NEK2: variants seen among roughly 807,000 people sequenced by gnomAD.
NEK2 encodes the protein serine/threonine-protein kinase Nek2.
Under a neutral mutation model 54.1 loss-of-function variants are expected in NEK2, and 28 were observed. The observed-to-expected ratio is 0.52, with a 90% CI of 0.38 to 0.71. NEK2 has a LOEUF of 0.71. NEK2 is among the 30% of genes least tolerant of loss of function. NEK2 has a pLI of 0.00. For missense variants in NEK2, 407 were observed against 531.5 expected, an observed-to-expected ratio of 0.77 and a Z score of 2.30; for synonymous variants, 176 against 193.1, an observed-to-expected ratio of 0.91 and a Z score of 0.73.
chr1:211,661,104 TC>T, downstream of NEK2: 1 of 746,436 alleles, frequency 1.3e-6, no homozygotes. Context: ...GGCATTGTAC[TC>T]CAGGACCTCC....
chr1:211,671,194 A>T lies in NEK2; in HGVS notation c.638+8T>A, dbSNP rs1254345500. ...CTTAGACTAGGAATCTGTCTTCATC[A>T]TACTTACATTAATGCACATAACTCA... is the stretch of plus-strand genomic sequence containing the variant. On this transcript the variant is annotated splice_region_variant and intron_variant, in intron 4 of 7. Transcript: ENST00000366999. 2 of 1,603,196 alleles carry T rather than the reference A, an allele frequency of 1.2e-6. No individual in the cohort carries two copies. The highest frequency in any genetic ancestry group is 1.3e-5 in the African/African-American group (1 of 74,708).
chr1:211,663,663 A>G lies in NEK2; in HGVS notation c.1112-11T>C. ...GAAGATTAAGAAGTTCTTTAGAAGGAAAAAGAAAAAGGGCTCTGAGTTACT... is the reference window on the plus strand; with the variant it reads ...GAAGATTAAGAAGTTCTTTAGAAGGGAAAAGAAAAAGGGCTCTGAGTTACT... On this transcript the variant is annotated splice_polypyrimidine_tract_variant and intron_variant, in intron 7 of 7. Coordinates refer to ENST00000366999, the MANE Select transcript of NEK2 (RefSeq NM_002497.4). 1.2e-6 allele frequency: 2 copies of G among 1,611,248 alleles called. No individual in the cohort carries two copies. The highest frequency in any genetic ancestry group is 1.7e-6 in the Non-Finnish European group (2 of 1,178,570).
chr1:211,661,048 C>A (rs375427765), downstream of NEK2: 2 of 739,386 alleles, frequency 2.7e-6, no homozygotes, highest in African/African-American at 1.7e-5. Context: ...CACCAGCTCC[C>A]GGAATGCTAA....
intron 7 of NEK2, among the ~76,000 whole-genome samples, chr1:211,666,225 G>C (rs74351012): frequency 0.017 from 2,573 of 152,264 alleles, 77 homozygotes; most frequent in African/African-American, 0.057. Context: ...TGAGAAAGCT[G>C]AATATCTATA....
chr1:211,668,992 T>C, intron 6 of NEK2, 121 bp downstream of exon 6: 2 of 991,076 alleles, frequency 2.0e-6, no homozygotes, highest in Non-Finnish European at 3.0e-6. Context: ...TTCTCAAGTA[T>C]TTTTCAAAAG....
downstream of NEK2, among the ~76,000 whole-genome samples, chr1:211,658,955 C>G (rs926252028): frequency 6.6e-6 from 1 of 152,088 alleles, no homozygotes; most frequent in East Asian, 1.9e-4. Context: ...AACATTTTAC[C>G]TTTCACAAAT....
chr1:211,670,216 G>A, intron 5 of NEK2, 65 bp downstream of exon 5: 7 of 1,462,858 alleles, frequency 4.8e-6, no homozygotes, highest in Middle Eastern at 2.5e-4. Flanking sequence ...CTACAAGAGA[G>A]AATGTATGCT....
In NEK2 at chr1:211,674,339, C is replaced by G. The variant is rs1240295488; in HGVS notation, c.271G>C (p.Gly91Arg). ...GTAATTACACTAGCCAGATCCCCTC[C>G]TTCACAATATTCCATTACAATGTAC... is the stretch of plus-strand genomic sequence containing the variant. ...TLYIVMEYCE[G>R]GDLASVITKG... The change falls in exon 2 of 8, where the codon GGA becomes CGA. Residue 91 changes from glycine to arginine, a missense_variant. By Grantham distance (125) the Gly-to-Arg change is moderately radical (BLOSUM62 -2). Transcript: ENST00000366999. The G allele has an allele frequency of 6.2e-7, 1 of 1,613,874 alleles. No homozygotes were observed. Among genetic ancestry groups the G allele is most frequent in the Non-Finnish European group, 8.5e-7 (1 of 1,179,880 alleles).
intron 6 of NEK2, among the ~76,000 whole-genome samples, chr1:211,668,623 A>G (rs902913131): frequency 6.6e-6 from 1 of 152,266 alleles, no homozygotes; most frequent in Non-Finnish European, 1.5e-5. Context: ...CTCATTTTCA[A>G]AAATAAAAAG....
chr1:211,660,439 T>C, downstream of NEK2: 1 of 704,922 alleles, frequency 1.4e-6, no homozygotes, highest in Non-Finnish European at 2.6e-6. Context: ...TTGCAGACAC[T>C]GAACCACCAG....
downstream of NEK2, among the ~76,000 whole-genome samples, chr1:211,659,984 A>C (rs558525789): frequency 2.0e-5 from 3 of 152,192 alleles, no homozygotes; most frequent in South Asian, 6.2e-4. Context: ...ACACCTGGCT[A>C]ACTTTTAAAA....
chr1:211,669,365 T>C (rs1655289946), intron 5 of NEK2, 33 bp from the exon 6 acceptor site: 3 of 1,575,204 alleles, frequency 1.9e-6, no homozygotes, highest in East Asian at 2.2e-5. Flanking sequence ...TATAGTCAGA[T>C]TGCATAACAG....
intron 7 of NEK2, 41 bp downstream of exon 7, chr1:211,667,065 T>C (rs758811436): frequency 4.3e-6 from 7 of 1,612,332 alleles, no homozygotes; most frequent in Non-Finnish European, 5.9e-6. Flanking sequence ...CATTTCTTCA[T>C]TTGTAGCACC....
chr1:211,660,518 C>T, downstream of NEK2: 1 of 647,226 alleles, frequency 1.5e-6, no homozygotes, highest in Non-Finnish European at 3.0e-6. Context: ...CCAAAGAGGT[C>T]AAAGTGATCA....
rs773450841 is a variant in NEK2 at position 211,673,680 on chromosome 1, A to G, written c.358T>C (p.Leu120=). Residue 120 remains leucine (L), a synonymous_variant, in exon 3 of 8, where the codon TTG becomes CTG. Transcript: ENST00000366999. The part of the protein sequence containing the change: ...EEFVLRVMTQ[L]TLALKECHRR... ...TGGCATTCCTTCAGGGCCAGAGTCAACTGAGTCATCACTCGAAGAACAAAC... is the reference window on the plus strand; with the variant it reads ...TGGCATTCCTTCAGGGCCAGAGTCAGCTGAGTCATCACTCGAAGAACAAAC... The G allele has an allele frequency of 1.9e-6, 3 of 1,614,114 alleles. No homozygotes were observed. The East Asian group carries it at 6.7e-5, about 36-fold the overall frequency.
downstream of NEK2, chr1:211,660,977 C>T (rs1291237022): frequency 1.3e-6 from 1 of 745,096 alleles, no homozygotes; most frequent in East Asian, 2.5e-5. Context: ...TGCAGCAGTT[C>T]CACACACCAA....
At chr1:211,661,825 C>A (rs924540209), downstream of NEK2, among the ~76,000 whole-genome samples, 1 of 152,150 alleles carries the variant, frequency 6.6e-6, no homozygotes, top group Non-Finnish European at 1.5e-5. Context: ...TATTCTCTGA[C>A]AAAGGGCATT....
At chr1:211,670,452 T>C (rs935382668) in intron 4 of NEK2, 45 bp from the exon 5 acceptor site, 2 of 1,582,464 alleles carry the variant, frequency 1.3e-6, no homozygotes, top group Non-Finnish European at 8.6e-7. Flanking sequence ...CATTTTCAAA[T>C]TGTAAAAATG....
At chr1:211,664,862 T>C (rs547330468) in intron 7 of NEK2, among the ~76,000 whole-genome samples, 20 of 152,344 alleles carry the variant, frequency 1.3e-4, no homozygotes, top group African/African-American at 3.6e-4. Context: ...GGTCTTGCCA[T>C]GTTTTCCAGG....
Sources: allele counts gnomAD v4.1 joint callset (sites outside exome capture counted in the v4.1 genomes callset), GRCh38; gene constraint gnomAD v4.1.1; transcripts MANE v1.5; gene names NCBI Gene and HGNC (gene_info 2026-07-23, HGNC 2026-07-21).